The following AP5S1 variants were observed in gnomAD, a reference collection of about 807,000 sequenced individuals.
AP5S1 encodes adaptor related protein complex 5 subunit sigma 1.
Under a neutral mutation model 13.9 loss-of-function variants are expected in AP5S1, and 13 were observed. The observed-to-expected ratio is 0.94, with a 90% CI of 0.61 to 1.49. AP5S1 has a LOEUF of 1.49. Ranked by LOEUF, AP5S1 falls within the 40% of genes most tolerant of loss-of-function variation. AP5S1 has a pLI of 0.00. For synonymous variants in AP5S1, 132 were observed against 121.8 expected (o/e 1.08, Z -0.55); for missense variants, 292 against 272.3 (o/e 1.07, Z -0.51).
Position 3,823,932 on chromosome 20 carries a change from C to T in AP5S1, c.238C>T (p.Gln80Ter), listed in dbSNP as rs770259675. 6.9e-6 allele frequency: 11 copies of T among 1,605,522 alleles called. No homozygotes were observed. In the Admixed American group the frequency reaches 1.7e-4, roughly 24 times the overall value. Residue 80 changes from glutamine (Q) to a stop codon, truncating the protein, a stop_gained, in exon 3 of 3, where the codon CAG (glutamine) becomes TAG (stop). Transcript: ENST00000615891. LOFTEE classifies it high-confidence loss of function. ...ATCTGGCCGGCCCCCCATGGACCTG[C>T]AGCCGCAATCCTCAGATGAGCAAGT... Reference protein sequence around the residue: ...QASGRPPMDLQPQSSDEQVPL... With the variant: ...QASGRPPMDL
chr20:3,828,545 C>T lies in AP5S1; in HGVS notation c.*4248C>T, dbSNP rs1010724910. On this transcript the variant is annotated 3_prime_UTR_variant, in exon 3 of 3. Transcript: ENST00000615891. Reference sequence around the variant, plus strand: ...CTGTTCATTCTTCCCTCCCCTCAACCCCTAGCAACCATTGATCCTTTTACT... The same window carrying T: ...CTGTTCATTCTTCCCTCCCCTCAACTCCTAGCAACCATTGATCCTTTTACT... The T allele has an allele frequency of 2.0e-5, 3 of 152,220 alleles. No individual in the cohort carries two copies. The highest frequency in any genetic ancestry group is 4.4e-5 in the Non-Finnish European group (3 of 68,042). 9.4% of individuals were successfully genotyped at this position (152,220 alleles called of 1,614,324 possible).
intron 2 of AP5S1, 144 bp from the exon 3 acceptor site, chr20:3,823,727 C>T (rs772507688): frequency 2.0e-5 from 29 of 1,473,874 alleles, no homozygotes; most frequent in Admixed American, 2.5e-5. Flanking sequence ...TTCTGTGGCC[C>T]TGGGCAGATC....
Position 3,824,067 on chromosome 20 carries a change from G to A in AP5S1, c.373G>A (p.Val125Met), listed in dbSNP as rs777555624. 1.1e-5 allele frequency: 17 copies of A among 1,613,834 alleles called. No homozygotes were observed. The highest frequency in any genetic ancestry group is 1.4e-5 in the Non-Finnish European group (17 of 1,180,034). ...LGVLSLGFAL[V>M]LDAHENLLLA... The stretch of plus-strand genomic sequence containing the variant: ...CGTGCTCTCGTTAGGCTTTGCCCTG[G>A]TGCTGGATGCCCATGAGAACCTGCT... Residue 125 changes from valine (V) to methionine (M), a missense_variant, in exon 3 of 3, where the codon GTG becomes ATG. Coordinates refer to ENST00000615891, the MANE Select transcript of AP5S1 (RefSeq NM_018347.3).
rs925553212 is a variant in AP5S1, at chr20:3,826,155, G to A, written c.*1858G>A. ...CACCCACTTTGGAGGCAGCACTGATGATTAGCCCTTCCAAGTCCATGGCCA... is the reference window on the plus strand; with the variant it reads ...CACCCACTTTGGAGGCAGCACTGATAATTAGCCCTTCCAAGTCCATGGCCA... On this transcript the variant is annotated 3_prime_UTR_variant, in exon 3 of 3. Transcript: ENST00000615891. The A allele has an allele frequency of 6.6e-6, 1 of 152,240 alleles. No homozygotes were observed. The highest frequency in any genetic ancestry group is 2.4e-5 in the African/African-American group (1 of 41,444). 9.4% of individuals were successfully genotyped at this position (152,240 alleles called of 1,614,324 possible).
At position 3,827,282 on chromosome 20, in the gene AP5S1, T is replaced by C. The variant is rs552881574; in HGVS notation, c.*2985T>C. 2.0e-5 allele frequency: 3 copies of C among 152,470 alleles called. No individual in the cohort carries two copies. The East Asian group carries it at 5.8e-4, about 29-fold the overall frequency. The allele number at this position is 152,470 out of a possible 1,614,324, so 9.4% of individuals were successfully genotyped here. ...GTCACAGGTTTTGTTTTGTTTTGTT[T>C]TAGGCGGAGTTTCTCTTTGTTGCCC... On this transcript the variant is annotated 3_prime_UTR_variant, in exon 3 of 3. Coordinates refer to ENST00000615891, the MANE Select transcript of AP5S1 (RefSeq NM_018347.3).
rs1207524229 is a variant in AP5S1, at chr20:3,825,732, G to A, written c.*1435G>A. On this transcript the variant is annotated 3_prime_UTR_variant, in exon 3 of 3. Transcript: ENST00000615891. ...GCCTCTGAATTACCTCACCTGAGAG[G>A]TGGCGGCTGTGGGTGTTTGCCTACT... 2 of 152,180 alleles carry A rather than the reference G, an allele frequency of 1.3e-5. No homozygotes were observed. Among genetic ancestry groups the A allele is most frequent in the Non-Finnish European group, 2.9e-5 (2 of 68,074 alleles). The allele number at this position is 152,180 out of a possible 1,614,324, so 9.4% of individuals were successfully genotyped here. A position where few individuals can be genotyped will look rare whatever the true frequency, so the allele number is the denominator to read the frequency against.
Position 3,825,601 on chromosome 20 carries a change from T to A in AP5S1, c.*1304T>A, listed in dbSNP as rs1246209791. The A allele has an allele frequency of 6.6e-6, 1 of 152,068 alleles. No individual in the cohort carries two copies. The highest frequency in any genetic ancestry group is 6.6e-5 in the Admixed American group (1 of 15,240). The allele number at this position is 152,068 out of a possible 1,614,324, so 9.4% of individuals were successfully genotyped here. On this transcript the variant is annotated 3_prime_UTR_variant, in exon 3 of 3. Transcript: ENST00000615891. ...CGAGTGGTTTATGTGGGGTGGGCGG[T>A]GATCCCGGGAAGCAGGAAGGGGACA...
At position 3,822,191 on chromosome 20, in the gene AP5S1, A is replaced by T; in HGVS notation, c.74A>T (p.Tyr25Phe). 2 of 1,613,460 alleles carry T rather than the reference A, an allele frequency of 1.2e-6. No individual in the cohort carries two copies. The highest frequency in any genetic ancestry group is 1.7e-6 in the Non-Finnish European group (2 of 1,179,880). ...GACACGGGCCTTTGCCGAGTGCTGT[A>T]CTCCTGCGTCTTCGGTGCTGAGAAG... is the stretch of plus-strand genomic sequence containing the variant. ...TEDTGLCRVLYSCVFGAEKSP... is the reference protein window; with the variant it reads ...TEDTGLCRVLFSCVFGAEKSP... Residue 25 changes from tyrosine (Y) to phenylalanine (F), a missense_variant, in exon 2 of 3, where the codon TAC (tyrosine) becomes TTC (phenylalanine). Physicochemically the swap from Tyr to Phe is conservative, Grantham distance 22. Transcript: ENST00000615891.
chr20:3,822,432 C>G lies in AP5S1; in HGVS notation c.176+139C>G, dbSNP rs1275209496. Reference sequence around the variant, plus strand: ...TTTAGAGTAGCATTTCCCAGAGAGTCTTCCACAGCTTTTCATAAGTGTTAC... The same window carrying G: ...TTTAGAGTAGCATTTCCCAGAGAGTGTTCCACAGCTTTTCATAAGTGTTAC... On this transcript the variant is annotated intron_variant, in intron 2 of 2. Coordinates refer to ENST00000615891, the MANE Select transcript of AP5S1 (RefSeq NM_018347.3). 4 of 715,852 alleles carry G rather than the reference C, an allele frequency of 5.6e-6. No individual in the cohort carries two copies. The East Asian group carries it at 1.1e-4, about 19-fold the overall frequency. 44.3% of individuals were successfully genotyped at this position (715,852 alleles called of 1,614,324 possible). A position where few individuals can be genotyped will look rare whatever the true frequency, so the allele number is the denominator to read the frequency against.
Position 3,827,156 on chromosome 20 carries a change from T to A in AP5S1, c.*2859T>A, listed in dbSNP as rs2089629340. ...AGAACTAGAGACTTTGAGCAGCTAG[T>A]AGTGTTACCAGTGTACCTCCACAAA... On this transcript the variant is annotated 3_prime_UTR_variant, in exon 3 of 3. Transcript: ENST00000615891. 1 of 152,214 alleles carries A rather than the reference T, an allele frequency of 6.6e-6. No individual in the cohort carries two copies. Among genetic ancestry groups the A allele is most frequent in the Non-Finnish European group, 1.5e-5 (1 of 68,064 alleles). 9.4% of individuals were successfully genotyped at this position (152,214 alleles called of 1,614,324 possible).
intron 1 of AP5S1, among the ~76,000 whole-genome samples, chr20:3,821,336 T>C (rs2089578961): frequency 6.6e-6 from 1 of 152,200 alleles, no homozygotes; most frequent in African/African-American, 2.4e-5. Context: ...TTTATTAGTG[T>C]CCTAATAATG....
rs1199876030 is a variant in AP5S1 at position 3,828,753 on chromosome 20, G to A, written c.*4456G>A. The A allele has an allele frequency of 6.6e-6, 1 of 152,220 alleles. No individual in the cohort carries two copies. Among genetic ancestry groups the A allele is most frequent in the African/African-American group, 2.4e-5 (1 of 41,456 alleles). 9.4% of individuals were successfully genotyped at this position (152,220 alleles called of 1,614,324 possible). On this transcript the variant is annotated 3_prime_UTR_variant, in exon 3 of 3. Coordinates refer to ENST00000615891, the MANE Select transcript of AP5S1 (RefSeq NM_018347.3). ...GTACTGCTGAATAGTATTCCATTAT[G>A]TGGATGTACATTATCTGTTCACCTA...
In AP5S1 at chr20:3,824,344, A is replaced by G. The variant is rs1568523657; in HGVS notation, c.*47A>G. 6.4e-7 allele frequency: 1 copy of G among 1,551,518 alleles called. No individual in the cohort carries two copies. Among genetic ancestry groups the G allele is most frequent in the South Asian group, 1.2e-5 (1 of 83,998 alleles). On this transcript the variant is annotated 3_prime_UTR_variant, in exon 3 of 3. Transcript: ENST00000615891. Reference sequence around the variant, plus strand: ...CTGAGGGCAGGCAGAGGGTAGACACACAGCCAGATGAAGCTTGGCATCTCC... The same window carrying G: ...CTGAGGGCAGGCAGAGGGTAGACACGCAGCCAGATGAAGCTTGGCATCTCC...
At chr20:3,821,701 A>G (rs528663940) in intron 1 of AP5S1, among the ~76,000 whole-genome samples, 1 of 152,090 alleles carries the variant, frequency 6.6e-6, no homozygotes, top group African/African-American at 2.4e-5. Context: ...GACCCGATCC[A>G]GGAGTACACG....
At chr20:3,823,780 GGAT>G (rs1312792315) in intron 2 of AP5S1, 88 bp from the exon 3 acceptor site, 8 of 1,527,994 alleles carry the variant, frequency 5.2e-6, no homozygotes, top group Non-Finnish European at 7.0e-6. Context: ...TGAGATATGG[GGAT>G]GATGGTAGCT....
chr20:3,821,878 C>CTTTTTTT (rs760765518), intron 1 of AP5S1: 16 of 679,882 alleles, frequency 2.4e-5, no homozygotes, highest in East Asian at 1.4e-4. Flanking sequence ...TTTCTTTTTT[C>CTTTTTTT]TTTTTTTTTT....
Position 3,826,622 on chromosome 20 carries a change from G to A in AP5S1, c.*2325G>A, listed in dbSNP as rs2089626575. On this transcript the variant is annotated 3_prime_UTR_variant, in exon 3 of 3. Transcript: ENST00000615891. ...TGAGGTGGGGCAAACTGATGGACAA[G>A]AGAATAGTAGAGACTGAGACCACAC... is the stretch of plus-strand genomic sequence containing the variant. The A allele has an allele frequency of 6.6e-6, 1 of 152,196 alleles. No individual in the cohort carries two copies. Among genetic ancestry groups the A allele is most frequent in the Non-Finnish European group, 1.5e-5 (1 of 68,058 alleles). 9.4% of individuals were successfully genotyped at this position (152,196 alleles called of 1,614,324 possible).
At chr20:3,823,393 C>T (rs57057557) in intron 2 of AP5S1, 7,652 of 291,216 alleles carry the variant, frequency 0.026, 612 homozygotes, top group African/African-American at 0.16. Flanking sequence ...GGACTACAGG[C>T]GCCCGCCACC....
In AP5S1 at chr20:3,827,023, A is replaced by T. The variant is rs565023157; in HGVS notation, c.*2726A>T. The T allele has an allele frequency of 6.6e-6, 1 of 152,302 alleles. No individual in the cohort carries two copies. Among genetic ancestry groups the T allele is most frequent in the African/African-American group, 2.4e-5 (1 of 41,572 alleles). 9.4% of individuals were successfully genotyped at this position (152,302 alleles called of 1,614,324 possible). On this transcript the variant is annotated 3_prime_UTR_variant, in exon 3 of 3. Coordinates refer to ENST00000615891, the MANE Select transcript of AP5S1 (RefSeq NM_018347.3). ...TGAAGGAGCCAGGATTTAGAACTAA[A>T]AGTGAGATGGCTATGGAAGCAAACT... is the stretch of plus-strand genomic sequence containing the variant.
Sources: gnomAD v4.1 joint callset for allele counts (sites outside exome capture counted in the v4.1 genomes callset) on GRCh38, gnomAD v4.1.1 for gene constraint, MANE v1.5 for transcripts, NCBI Gene and HGNC (gene_info 2026-07-23, HGNC 2026-07-21) for gene names.